ZBTB40: variants seen among roughly 807,000 people sequenced by gnomAD.
The protein encoded by ZBTB40 is zinc finger and BTB domain-containing protein 40.
Under a neutral mutation model 117.5 loss-of-function variants are expected in ZBTB40, and 60 were observed. That is an observed-to-expected ratio of 0.51 (90% CI 0.41 to 0.63). The LOEUF is 0.63. Among genes scored for constraint, ZBTB40 ranks in the 30% least tolerant of loss-of-function variants. The pLI is 0.00. For missense variants in ZBTB40, 1,287 were observed against 1,498.5 expected, an observed-to-expected ratio of 0.86 and a Z score of 2.33; for synonymous variants, 525 against 577.1, an observed-to-expected ratio of 0.91 and a Z score of 1.29.
At chr1:22,505,750 C>T (rs1639060681) in intron 5 of ZBTB40, among the ~76,000 whole-genome samples, 1 of 152,156 alleles carries the variant, frequency 6.6e-6, no homozygotes, top group Non-Finnish European at 1.5e-5. Flanking sequence ...CTTGCTGTAT[C>T]ATATAGGCCT....
intron 12 of ZBTB40, among the ~76,000 whole-genome samples, chr1:22,514,209 G>A (rs1639317647): frequency 1.3e-5 from 2 of 152,234 alleles, no homozygotes; most frequent in Non-Finnish European, 2.9e-5. Flanking sequence ...CCTACCTATT[G>A]TTTAGAGCAT....
At chr1:22,448,707 A>G (rs535449304), upstream of ZBTB40, among the ~76,000 whole-genome samples, 4 of 152,194 alleles carry the variant, frequency 2.6e-5, no homozygotes, top group South Asian at 4.1e-4. Context: ...ATTAAATGAG[A>G]TAATTTAATT....
intron 12 of ZBTB40, among the ~76,000 whole-genome samples, 157 bp from the exon 13 acceptor site, chr1:22,517,143 C>T (rs369413567): frequency 2.2e-4 from 33 of 152,192 alleles, no homozygotes; most frequent in African/African-American, 6.8e-4. Context: ...TGTGATGAGA[C>T]GGCTCAGATC....
chr1:22,509,272 A>G, intron 9 of ZBTB40, 39 bp downstream of exon 9: 5 of 1,613,726 alleles, frequency 3.1e-6, no homozygotes, highest in Non-Finnish European at 4.2e-6. Flanking sequence ...AGAGAGTTTT[A>G]CAGTTGTTGC....
Position 22,462,697 on chromosome 1 carries a change from T to C in ZBTB40, c.-70+10693T>C, listed in dbSNP as rs535402577. Among the ~76,000 whole-genome samples, 18 of 152,344 alleles carry C rather than the reference T, an allele frequency of 1.2e-4. 1 individual carries two copies. In the South Asian group the frequency reaches 3.7e-3, roughly 32 times the overall value. ...TGATTTCAAAGTCCTTTGCATCTTC[T>C]AATTTTTAATGAGTTTAAGGTTTTG... On this transcript the variant is annotated intron_variant, in intron 1 of 17. Transcript: ENST00000375647.
chr1:22,503,741 GT>G (rs1307834114), intron 5 of ZBTB40, among the ~76,000 whole-genome samples: 1 of 151,864 alleles, frequency 6.6e-6, no homozygotes. Context: ...TTAAACTTCT[GT>G]TTTTTTTCTC....
At chr1:22,469,729 G>C (rs932531173) in intron 1 of ZBTB40, among the ~76,000 whole-genome samples, 1 of 151,896 alleles carries the variant, frequency 6.6e-6, no homozygotes, top group Non-Finnish European at 1.5e-5. Flanking sequence ...GTAGAGACGG[G>C]GTTTCACCAT....
At chr1:22,511,115 T>G in intron 9 of ZBTB40, 64 bp from the exon 10 acceptor site, 1 of 1,594,504 alleles carries the variant, frequency 6.3e-7, no homozygotes, top group African/African-American at 1.3e-5. Flanking sequence ...TTTTTTAGGT[T>G]GAAAACCATG....
chr1:22,481,065 G>T (rs1456470283), intron 1 of ZBTB40, among the ~76,000 whole-genome samples: 1 of 152,018 alleles, frequency 6.6e-6, no homozygotes, highest in Non-Finnish European at 1.5e-5. Context: ...GGCCACCATG[G>T]TCTCAATTCC....
At chr1:22,468,088 CAA>C (rs200373661) in intron 1 of ZBTB40, among the ~76,000 whole-genome samples, 37 of 105,758 alleles carry the variant, frequency 3.5e-4, no homozygotes, top group Admixed American at 4.9e-4. Flanking sequence ...GACCCCATCT[CAA>C]AAAAAAAAAA....
At chr1:22,491,117 G>A (rs1217851774) in intron 2 of ZBTB40, among the ~76,000 whole-genome samples, 1 of 152,082 alleles carries the variant, frequency 6.6e-6, no homozygotes, top group Non-Finnish European at 1.5e-5. Context: ...GGCTGGTCTC[G>A]AATTCCTGAC....
chr1:22,438,006 G>A (rs150219467), intron 1 of ZBTB40, among the ~76,000 whole-genome samples: 3,536 of 151,920 alleles, frequency 0.023, 143 homozygotes, highest in African/African-American at 0.078. Context: ...GGTACATGCC[G>A]GTAATCCCAG....
At chr1:22,447,620 G>A (rs1403718982), upstream of ZBTB40, among the ~76,000 whole-genome samples, 1 of 152,232 alleles carries the variant, frequency 6.6e-6, no homozygotes, top group African/African-American at 2.4e-5. Context: ...AAATGTGAGT[G>A]CCTTTTGCCT....
chr1:22,461,329 G>T (rs1569777563), intron 1 of ZBTB40, among the ~76,000 whole-genome samples: 6 of 140,572 alleles, frequency 4.3e-5, no homozygotes, highest in Admixed American at 7.1e-5. Context: ...GAGTTCCGTT[G>T]TTTTTTTTTT....
chr1:22,460,828 T>A (rs1341521057), intron 1 of ZBTB40, among the ~76,000 whole-genome samples: 3 of 152,178 alleles, frequency 2.0e-5, no homozygotes, highest in African/African-American at 7.2e-5. Flanking sequence ...ACTAGTATAG[T>A]ATTATAGAAG....
At chr1:22,476,306 G>A (rs979966360) in intron 1 of ZBTB40, among the ~76,000 whole-genome samples, 1 of 152,134 alleles carries the variant, frequency 6.6e-6, no homozygotes, top group African/African-American at 2.4e-5. Flanking sequence ...TGCAACCTCT[G>A]CCTCCCAGGT....
intron 12 of ZBTB40, among the ~76,000 whole-genome samples, chr1:22,515,078 C>T (rs936874946): frequency 1.3e-4 from 20 of 152,148 alleles, no homozygotes; most frequent in African/African-American, 4.3e-4. Context: ...CTATTTGTAT[C>T]ATCAGAGAAG....
chr1:22,521,441 G>A, intron 14 of ZBTB40, 55 bp from the exon 15 acceptor site: 2 of 1,608,930 alleles, frequency 1.2e-6, no homozygotes, highest in Non-Finnish European at 8.5e-7. Context: ...AGCCTCGTGA[G>A]CTCTCCAGCT....
At chr1:22,518,914 A>C (rs1639446907) in intron 13 of ZBTB40, among the ~76,000 whole-genome samples, 1 of 152,152 alleles carries the variant, frequency 6.6e-6, no homozygotes, top group South Asian at 2.1e-4. Context: ...AGACGTTATT[A>C]ACTTTCAGAA....
Sources: gnomAD v4.1 joint callset for allele counts (sites outside exome capture counted in the v4.1 genomes callset) on GRCh38, gnomAD v4.1.1 for gene constraint, MANE v1.5 for transcripts, NCBI Gene and HGNC (gene_info 2026-07-23, HGNC 2026-07-21) for gene names.